Variants in KIF2A observed in about 807,000 individuals in gnomAD.
KIF2A encodes the protein kinesin-like protein KIF2A.
Under a neutral mutation model 100.2 loss-of-function variants are expected in KIF2A, and 22 were observed. The ratio of observed to expected loss-of-function variants is 0.22; its 90% confidence interval spans 0.16 to 0.31. The LOEUF is 0.31. Ranked by LOEUF, KIF2A falls within the 10% of genes least tolerant of loss-of-function variation. KIF2A has a pLI of 1.00. For missense variants in KIF2A, 495 were observed against 898.7 expected, an observed-to-expected ratio of 0.55 and a Z score of 5.74; for synonymous variants, 268 against 285.9, an observed-to-expected ratio of 0.94 and a Z score of 0.63.
At chr5:62,333,766 G>A (rs747545845) in intron 1 of KIF2A, among the ~76,000 whole-genome samples, 1 of 152,052 alleles carries the variant, frequency 6.6e-6, no homozygotes, top group African/African-American at 2.4e-5. Flanking sequence ...GCAGAGAAGG[G>A]GTACCTGTTT....
intron 5 of KIF2A, 56 bp from the exon 6 acceptor site, chr5:62,353,219 A>G (rs1204986395): frequency 2.1e-6 from 2 of 967,614 alleles, no homozygotes; most frequent in African/African-American, 3.4e-5. Flanking sequence ...AAAAAGTTTA[A>G]TATTAGTACT....
intron 20 of KIF2A, among the ~76,000 whole-genome samples, chr5:62,383,141 G>A (rs918173724): frequency 1.3e-5 from 2 of 150,686 alleles, no homozygotes; most frequent in African/African-American, 4.9e-5. Flanking sequence ...TGGCCAGGCT[G>A]GTATCGAACT....
intron 1 of KIF2A, among the ~76,000 whole-genome samples, chr5:62,333,694 C>T (rs1358054903): frequency 1.3e-5 from 2 of 152,184 alleles, no homozygotes; most frequent in Admixed American, 6.5e-5. Flanking sequence ...TATAGTCCTG[C>T]CTACTTATCT....
chr5:62,340,885 T>C (rs1357116394), intron 1 of KIF2A, among the ~76,000 whole-genome samples: 1 of 152,124 alleles, frequency 6.6e-6, no homozygotes, highest in East Asian at 1.9e-4. Context: ...TATACGACAA[T>C]TAAAAAATAT....
intron 3 of KIF2A, among the ~76,000 whole-genome samples, chr5:62,349,574 C>T (rs1252717294): frequency 6.6e-6 from 1 of 152,118 alleles, no homozygotes; most frequent in Non-Finnish European, 1.5e-5. Flanking sequence ...GTGTCCAAGT[C>T]TTAGAAACTC....
chr5:62,323,494 G>A (rs1326742385), intron 1 of KIF2A, among the ~76,000 whole-genome samples: 1 of 150,314 alleles, frequency 6.7e-6, no homozygotes, highest in Middle Eastern at 3.2e-3. Context: ...CTGCACTCCA[G>A]CCTGGGCGAC....
At chr5:62,385,064 C>T (rs914166355) in intron 20 of KIF2A, among the ~76,000 whole-genome samples, 1 of 151,956 alleles carries the variant, frequency 6.6e-6, no homozygotes, top group Non-Finnish European at 1.5e-5. Flanking sequence ...ATTGCTTGAA[C>T]CCATGAGGTG....
chr5:62,356,433 G>T (rs551608977), intron 7 of KIF2A, among the ~76,000 whole-genome samples: 1 of 152,276 alleles, frequency 6.6e-6, no homozygotes, highest in Admixed American at 6.5e-5. Context: ...TAAATGATGG[G>T]TATGACATTT....
intron 1 of KIF2A, among the ~76,000 whole-genome samples, chr5:62,325,625 T>C (rs540838733): frequency 6.6e-6 from 1 of 152,160 alleles, no homozygotes; most frequent in African/African-American, 2.4e-5. Flanking sequence ...TGGCTATTAT[T>C]AAAAAGTCAA....
Position 62,388,769 on chromosome 5 carries a change from C to T in KIF2A, c.*3200C>T. On this transcript the variant is annotated 3_prime_UTR_variant, in exon 21 of 21. Transcript: ENST00000407818. ...AGTGTAAAGTTGTGCGTCTCTGCGG[C>T]TCCTGAACTTGAAGATTATTATGAA... The T allele has an allele frequency of 1.9e-6, 1 of 526,572 alleles. No individual in the cohort carries two copies. Among genetic ancestry groups the T allele is most frequent in the Non-Finnish European group, 3.4e-6 (1 of 294,258 alleles). 32.6% of individuals were successfully genotyped at this position (526,572 alleles called of 1,614,324 possible). A position where few individuals can be genotyped will look rare whatever the true frequency, so the allele number is the denominator to read the frequency against.
At chr5:62,346,237 C>G (rs1747560200) in intron 1 of KIF2A, among the ~76,000 whole-genome samples, 1 of 152,038 alleles carries the variant, frequency 6.6e-6, no homozygotes, top group African/African-American at 2.4e-5. Flanking sequence ...AATATCTTCT[C>G]TCTACAGATT....
chr5:62,330,330 G>A (rs1293662531), intron 1 of KIF2A, among the ~76,000 whole-genome samples: 1 of 152,090 alleles, frequency 6.6e-6, no homozygotes, highest in African/African-American at 2.4e-5. Flanking sequence ...CAGCCTGGGC[G>A]AGAGTGAGAA....
At chr5:62,356,647 C>T (rs1329645488) in intron 7 of KIF2A, among the ~76,000 whole-genome samples, 2 of 152,178 alleles carry the variant, frequency 1.3e-5, no homozygotes, top group African/African-American at 2.4e-5. Flanking sequence ...GCTCAGTAAT[C>T]GTCTGAGAAT....
intron 1 of KIF2A, 62 bp from the exon 2 acceptor site, chr5:62,347,066 TCA>T (rs1361584883): frequency 4.9e-6 from 4 of 822,982 alleles, no homozygotes; most frequent in Non-Finnish European, 7.8e-6. Context: ...AAATTGTATT[TCA>T]CAGTGTTTAG....
At chr5:62,322,266 C>A (rs1746138906) in intron 1 of KIF2A, among the ~76,000 whole-genome samples, 2 of 152,162 alleles carry the variant, frequency 1.3e-5, no homozygotes, top group Admixed American at 1.3e-4. Flanking sequence ...TATAAAACTT[C>A]TGGATACTAC....
intron 9 of KIF2A, among the ~76,000 whole-genome samples, chr5:62,358,912 C>T (rs1401511783): frequency 6.6e-6 from 1 of 152,238 alleles, no homozygotes; most frequent in Non-Finnish European, 1.5e-5. Flanking sequence ...CTCAAGTGAT[C>T]TGCCCGCCTT....
chr5:62,315,220 C>T (rs1163550428), intron 1 of KIF2A, among the ~76,000 whole-genome samples: 5 of 137,500 alleles, frequency 3.6e-5, no homozygotes, highest in African/African-American at 1.4e-4. Flanking sequence ...CTCAATAGAT[C>T]ACCTGTGGGG....
chr5:62,357,155 C>T (rs1360815544), intron 7 of KIF2A, among the ~76,000 whole-genome samples: 9 of 151,774 alleles, frequency 5.9e-5, no homozygotes, highest in Non-Finnish European at 1.2e-4. Context: ...ATAATCTCGG[C>T]CCGCTGCAAC....
At chr5:62,366,692 ATGG>A (rs1741085102) in intron 16 of KIF2A, among the ~76,000 whole-genome samples, 1 of 152,006 alleles carries the variant, frequency 6.6e-6, no homozygotes, top group Non-Finnish European at 1.5e-5. Context: ...TTAGCCAGGC[ATGG>A]TGGTGGGTGC....
Sources: gnomAD v4.1 joint callset for allele counts (sites outside exome capture counted in the v4.1 genomes callset) on GRCh38, gnomAD v4.1.1 for gene constraint, MANE v1.5 for transcripts, NCBI Gene and HGNC (gene_info 2026-07-23, HGNC 2026-07-21) for gene names.